Variants in UBOX5 observed in about 807,000 individuals in gnomAD.
The protein encoded by UBOX5 is RING finger protein 37.
UBOX5 carries 28 observed loss-of-function variants against 39.0 expected under a neutral mutation model. That is an observed-to-expected ratio of 0.72 (90% CI 0.53 to 0.98). UBOX5 has a LOEUF of 0.98. Ranked by LOEUF, UBOX5 falls within the 50% of genes least tolerant of loss-of-function variation. The pLI is 0.00. For synonymous variants in UBOX5, 283 were observed against 275.5 expected, an observed-to-expected ratio of 1.03 and a Z score of -0.27; for missense variants, 585 against 674.4, an observed-to-expected ratio of 0.87 and a Z score of 1.47.
chr20:3,112,825 G>C (rs2066263537), intron 4 of UBOX5, among the ~76,000 whole-genome samples: 1 of 151,720 alleles, frequency 6.6e-6, no homozygotes. Flanking sequence ...AATTAGCCGG[G>C]CGTGGTGGCG....
chr20:3,110,463 T>G, intron 4 of UBOX5, 149 bp from the exon 5 acceptor site: 1 of 906,866 alleles, frequency 1.1e-6, no homozygotes, highest in Non-Finnish European at 1.7e-6. Context: ...GGTAGGGGAG[T>G]GGAAGCGGGA....
chr20:3,147,813 G>C, intron 1 of UBOX5: 1 of 1,614,168 alleles, frequency 6.2e-7, no homozygotes, highest in Non-Finnish European at 8.5e-7. Flanking sequence ...GCCACTCTAG[G>C]AGGCAAAGAC....
intron 3 of UBOX5, among the ~76,000 whole-genome samples, chr20:3,119,468 A>G (rs1215187637): frequency 6.6e-6 from 1 of 152,240 alleles, no homozygotes; most frequent in Non-Finnish European, 1.5e-5. Context: ...AGAAGTTATG[A>G]GACAATGAAT....
At chr20:3,144,529 A>C (rs2066543440) in intron 1 of UBOX5, among the ~76,000 whole-genome samples, 1 of 152,244 alleles carries the variant, frequency 6.6e-6, no homozygotes, top group Non-Finnish European at 1.5e-5. Context: ...ACTATGAGAA[A>C]AGACATAGGG....
intron 1 of UBOX5, among the ~76,000 whole-genome samples, chr20:3,134,951 T>C (rs1046738432): frequency 6.6e-6 from 1 of 152,074 alleles, no homozygotes; most frequent in Admixed American, 6.6e-5. Flanking sequence ...CCTAGATCAA[T>C]GTTTTTCAAT....
intron 1 of UBOX5, among the ~76,000 whole-genome samples, chr20:3,139,476 C>T (rs2066498293): frequency 6.6e-6 from 1 of 151,602 alleles, no homozygotes; most frequent in South Asian, 2.1e-4. Flanking sequence ...TGCAACCTCC[C>T]CGTCGTGGGT....
intron 1 of UBOX5, among the ~76,000 whole-genome samples, chr20:3,158,411 C>T (rs1247595454): frequency 6.6e-6 from 1 of 152,292 alleles, no homozygotes; most frequent in East Asian, 1.9e-4. Flanking sequence ...TGCCAAAGGC[C>T]TCACTTTTTA....
chr20:3,119,970 C>T (rs1419884606), intron 3 of UBOX5, among the ~76,000 whole-genome samples: 2 of 152,068 alleles, frequency 1.3e-5, no homozygotes, highest in Non-Finnish European at 2.9e-5. Context: ...GGCTGCTCAC[C>T]TCAGGAGAGA....
At chr20:3,155,088 GAAAAA>G (rs1202796689) in intron 1 of UBOX5, among the ~76,000 whole-genome samples, 1 of 148,154 alleles carries the variant, frequency 6.7e-6, no homozygotes, top group Non-Finnish European at 1.5e-5. Context: ...GAAAAGAAAA[GAAAAA>G]ATAAATATAG....
intron 1 of UBOX5, among the ~76,000 whole-genome samples, chr20:3,146,170 G>A (rs577348256): frequency 1.3e-5 from 2 of 152,044 alleles, no homozygotes; most frequent in East Asian, 3.9e-4. Flanking sequence ...GAGAAACCCC[G>A]TTTCTGCTAA....
At chr20:3,148,924 G>A in intron 1 of UBOX5, 3 of 1,614,222 alleles carry the variant, frequency 1.9e-6, no homozygotes, top group Non-Finnish European at 2.5e-6. Flanking sequence ...CAGAATGGCA[G>A]AGGCTAATGT....
intron 2 of UBOX5, 145 bp downstream of exon 2, chr20:3,123,167 T>C: frequency 1.3e-6 from 1 of 799,238 alleles, no homozygotes; most frequent in Non-Finnish European, 2.0e-6. Flanking sequence ...GCCCCATGCT[T>C]ACCTAAATAC....
In UBOX5 at chr20:3,123,349, C is replaced by T; in HGVS notation, c.17G>A (p.Cys6Tyr). ...AATTCTTGGTCTGAACTGTGGGAGG[C>T]AAAGATTTATTACCATCTTTGTGGC... Reference protein sequence around the residue: MVINLCLPQFRPRIHC... With the variant: MVINLYLPQFRPRIHC... Residue 6 changes from cysteine (C) to tyrosine (Y), a missense_variant, in exon 2 of 5, where the codon TGC becomes TAC. Transcript: ENST00000217173. 6.2e-7 allele frequency: 1 copy of T among 1,613,954 alleles called. No homozygotes were observed. The highest frequency in any genetic ancestry group is 1.1e-5 in the South Asian group (1 of 91,066).
rs759725232 is a variant in UBOX5 at position 3,121,570 on chromosome 20, T to C, written c.1069A>G (p.Ile357Val). ...TTCCTTTTCTGAGAGGGCAGAACAA[T>C]GGAAGAAGGGATCACTGCCAATGCC... ...QTALAVIPSS[I>V]VLPSQKRKIE... is the part of the protein sequence containing the mutation. Residue 357 changes from isoleucine to valine, a missense_variant, in exon 3 of 5, where the codon ATT (isoleucine) becomes GTT (valine). Transcript: ENST00000217173. The C allele has an allele frequency of 7.5e-6, 12 of 1,607,076 alleles. No homozygotes were observed. The highest frequency in any genetic ancestry group is 8.5e-6 in the Non-Finnish European group (10 of 1,176,618).
At chr20:3,156,057 G>C (rs1353511444) in intron 1 of UBOX5, among the ~76,000 whole-genome samples, 1 of 152,054 alleles carries the variant, frequency 6.6e-6, no homozygotes, top group Non-Finnish European at 1.5e-5. Flanking sequence ...AGGATGACCA[G>C]ATAGCGAAAA....
chr20:3,152,736 C>T (rs1025278055), intron 1 of UBOX5, among the ~76,000 whole-genome samples: 4 of 151,848 alleles, frequency 2.6e-5, no homozygotes, highest in Admixed American at 6.6e-5. Flanking sequence ...GGGGAAACGC[C>T]ATCTCTACTA....
rs868627513 is a variant in UBOX5, at chr20:3,115,391, G to A, written c.1331C>T (p.Ser444Phe). 6.2e-7 allele frequency: 1 copy of A among 1,614,228 alleles called. No homozygotes were observed. Among genetic ancestry groups the A allele is most frequent in the South Asian group, 1.1e-5 (1 of 91,080 alleles). ...TCCCCTGGTCAGCCGTGCCGTGAAGGAGGGCATAGAGCCAAGGGTGGATGC... is the reference window on the plus strand; with the variant it reads ...TCCCCTGGTCAGCCGTGCCGTGAAGAAGGGCATAGAGCCAAGGGTGGATGC... The part of the protein sequence containing the change: ...ALASTLGSMP[S>F]FTARLTRGQL... The change falls in exon 4 of 5, where the codon TCC becomes TTC. Residue 444 changes from serine (S) to phenylalanine (F), a missense_variant. Ser to Phe is a radical substitution (Grantham distance 155, BLOSUM62 -2). Transcript: ENST00000217173.
Position 3,122,146 on chromosome 20 carries a change from G to A in UBOX5, c.493C>T (p.Leu165Phe). The A allele has an allele frequency of 6.2e-7, 1 of 1,614,266 alleles. No homozygotes were observed. Among genetic ancestry groups the A allele is most frequent in the Non-Finnish European group, 8.5e-7 (1 of 1,180,046 alleles). ...AAGTGGGCCACGTGGCTAAGGGAAA[G>A]AGCCCCTTTATTCCAGAGCTCCTGG... Reference protein sequence around the residue: ...VAQELWNKGALSLSHVAHLRI... With the variant: ...VAQELWNKGAFSLSHVAHLRI... The change falls in exon 3 of 5, where the codon CTT (leucine) becomes TTT (phenylalanine). Residue 165 changes from leucine (L) to phenylalanine (F), a missense_variant. Transcript: ENST00000217173.
intron 3 of UBOX5, among the ~76,000 whole-genome samples, chr20:3,116,244 T>C (rs1034740684): frequency 8.5e-5 from 13 of 152,190 alleles, no homozygotes; most frequent in Non-Finnish European, 1.9e-4. Context: ...GTTCATGTCC[T>C]CTCTCTCCTG....
Sources: allele counts gnomAD v4.1 joint callset (sites outside exome capture counted in the v4.1 genomes callset), GRCh38; gene constraint gnomAD v4.1.1; transcripts MANE v1.5; gene names NCBI Gene and HGNC (gene_info 2026-07-23, HGNC 2026-07-21).